Variants in SMYD3 observed in about 807,000 individuals in gnomAD.
SMYD3 encodes histone-lysine N-methyltransferase SMYD3.
SMYD3 carries 36 observed loss-of-function variants against 57.7 expected under a neutral mutation model. That is an observed-to-expected ratio of 0.62 (90% CI 0.48 to 0.82). SMYD3 has a LOEUF of 0.82. Ranked by LOEUF, SMYD3 falls within the 40% of genes least tolerant of loss-of-function variation. SMYD3 has a pLI of 0.00. For missense variants in SMYD3, 515 were observed against 538.8 expected (o/e 0.96, Z 0.44); for synonymous variants, 211 against 195.0 (o/e 1.08, Z -0.68).
chr1:246,459,306 TCTG>T (rs921262378), intron 1 of SMYD3, among the ~76,000 whole-genome samples: 107 of 147,302 alleles, frequency 7.3e-4, no homozygotes, highest in Admixed American at 6.6e-3. Flanking sequence ...TGGCTCCTGC[TCTG>T]CTGTTCTCAT....
chr1:246,496,455 T>C (rs1486503056), intron 1 of SMYD3, among the ~76,000 whole-genome samples: 1 of 152,228 alleles, frequency 6.6e-6, no homozygotes, highest in Non-Finnish European at 1.5e-5. Context: ...CTCTTATTTA[T>C]TTTTGCTGCA....
intron 5 of SMYD3, among the ~76,000 whole-genome samples, chr1:245,958,035 G>A (rs1242036255): frequency 6.6e-6 from 1 of 152,108 alleles, no homozygotes; most frequent in Non-Finnish European, 1.5e-5. Flanking sequence ...AAAGCGGGGG[G>A]GAGAAACAAG....
At chr1:246,042,226 T>C (rs530759750) in intron 5 of SMYD3, among the ~76,000 whole-genome samples, 1 of 152,180 alleles carries the variant, frequency 6.6e-6, no homozygotes, top group South Asian at 2.1e-4. Context: ...TTTATAACAC[T>C]CTCCAGCAGT....
At chr1:246,217,458 G>A (rs1043979159) in intron 5 of SMYD3, among the ~76,000 whole-genome samples, 8 of 152,062 alleles carry the variant, frequency 5.3e-5, no homozygotes, top group African/African-American at 1.9e-4. Context: ...GCACTGAGCC[G>A]AGATTGTACA....
chr1:246,459,739 T>A (rs751985747), intron 1 of SMYD3, among the ~76,000 whole-genome samples: 3 of 152,146 alleles, frequency 2.0e-5, no homozygotes, highest in Admixed American at 6.6e-5. Context: ...GACTTGAAAC[T>A]ACTAACTCAT....
intron 5 of SMYD3, among the ~76,000 whole-genome samples, chr1:245,952,699 C>T (rs1327855173): frequency 6.6e-6 from 1 of 152,192 alleles, no homozygotes; most frequent in Non-Finnish European, 1.5e-5. Flanking sequence ...TGTGCAAAAA[C>T]ACTGAAAGTC....
At chr1:246,097,301 T>C (rs1316905551) in intron 5 of SMYD3, among the ~76,000 whole-genome samples, 4 of 152,060 alleles carry the variant, frequency 2.6e-5, no homozygotes, top group Non-Finnish European at 1.5e-5. Flanking sequence ...CTATGCTGAT[T>C]CCCTGTTCTA....
chr1:246,330,631 G>A (rs2065444296), intron 3 of SMYD3, 94 bp from the exon 4 acceptor site: 3 of 1,035,316 alleles, frequency 2.9e-6, no homozygotes, highest in Non-Finnish European at 4.1e-6. Flanking sequence ...TTAAATGAAA[G>A]TCCATCAAAA....
chr1:246,363,210 G>T (rs1258985134), intron 1 of SMYD3, among the ~76,000 whole-genome samples: 1 of 150,716 alleles, frequency 6.6e-6, no homozygotes, highest in Non-Finnish European at 1.5e-5. Context: ...GGGAAGTGAG[G>T]AGCGTCTCCG....
At chr1:246,377,024 C>T (rs1382040166) in intron 1 of SMYD3, among the ~76,000 whole-genome samples, 2 of 151,966 alleles carry the variant, frequency 1.3e-5, no homozygotes, top group African/African-American at 2.4e-5. Context: ...CACTTGAACC[C>T]GAGAGGCAGA....
At chr1:245,881,417 C>T (rs1478198113) in intron 8 of SMYD3, among the ~76,000 whole-genome samples, 1 of 152,210 alleles carries the variant, frequency 6.6e-6, no homozygotes, top group Non-Finnish European at 1.5e-5. Context: ...GCAAGAATAT[C>T]CCTTCCTGAT....
At chr1:246,179,620 A>G (rs1277391759) in intron 5 of SMYD3, among the ~76,000 whole-genome samples, 2 of 152,224 alleles carry the variant, frequency 1.3e-5, no homozygotes, top group Non-Finnish European at 2.9e-5. Flanking sequence ...TAATAGCAAG[A>G]AAAACATCTT....
chr1:246,375,535 G>A (rs9787157), intron 1 of SMYD3, among the ~76,000 whole-genome samples: 151,558 of 152,138 alleles, frequency 1, 75,491 homozygotes, highest in Middle Eastern at 1. Context: ...CTCCTTGTCA[G>A]TAAACAGTAC....
At chr1:246,377,517 C>T (rs561246580) in intron 1 of SMYD3, among the ~76,000 whole-genome samples, 11 of 151,948 alleles carry the variant, frequency 7.2e-5, no homozygotes, top group African/African-American at 2.7e-4. Flanking sequence ...GTACAGGTAC[C>T]TGCCACCACA....
intron 5 of SMYD3, among the ~76,000 whole-genome samples, chr1:246,006,314 G>A (rs61839426): frequency 0.039 from 5,849 of 150,830 alleles, 148 homozygotes; most frequent in Middle Eastern, 0.068. Context: ...GGGCTGGGGT[G>A]CTGGAGGGGC....
rs34560740 is a variant in SMYD3, at chr1:246,379,081, T to TACACACACACACACACAC, written c.165-24005_165-23988dup. Among the ~76,000 whole-genome samples, 9 of 130,520 alleles carry TACACACACACACACACAC rather than the reference T, an allele frequency of 6.9e-5. 1 individual carries two copies. Among genetic ancestry groups the TACACACACACACACACAC allele is most frequent in the Admixed American group, 2.6e-4 (3 of 11,522 alleles). 85.6% of individuals were successfully genotyped at this position (130,520 alleles called of 152,430 possible). On this transcript the variant is annotated intron_variant, in intron 1 of 11. Coordinates refer to ENST00000490107, the MANE Select transcript of SMYD3 (RefSeq NM_001167740.2). ...ATATATATACTTACACACACATACA[T>TACACACACACACACACAC]ACACACACACACACACACACACACA...
intron 5 of SMYD3, among the ~76,000 whole-genome samples, chr1:246,125,793 T>A (rs1359284148): frequency 6.6e-6 from 1 of 152,100 alleles, no homozygotes; most frequent in Admixed American, 6.5e-5. Context: ...GCAATATGGC[T>A]ATGAACCTTA....
chr1:246,226,841 T>C (rs1457655634), intron 5 of SMYD3, among the ~76,000 whole-genome samples: 1 of 152,214 alleles, frequency 6.6e-6, no homozygotes, highest in East Asian at 1.9e-4. Context: ...ATGAAAGATA[T>C]TAAAACCAAA....
intron 5 of SMYD3, among the ~76,000 whole-genome samples, chr1:246,200,389 C>T (rs373691411): frequency 2.2e-5 from 3 of 136,102 alleles, no homozygotes; most frequent in African/African-American, 5.6e-5. Context: ...TGGAGAACAG[C>T]GCAGACGCTG....
Sources: allele counts gnomAD v4.1 joint callset (sites outside exome capture counted in the v4.1 genomes callset), GRCh38; gene constraint gnomAD v4.1.1; transcripts MANE v1.5; gene names NCBI Gene and HGNC (gene_info 2026-07-23, HGNC 2026-07-21).